NRXN3: variants seen among roughly 807,000 people sequenced by gnomAD.
NRXN3 encodes neurexin 3.
A neutral mutation model predicts 137.6 loss-of-function variants in NRXN3; 32 were observed. That is an observed-to-expected ratio of 0.23 (90% confidence interval 0.18 to 0.31). The LOEUF is 0.31. Ranked by LOEUF, NRXN3 falls within the 10% of genes least tolerant of loss-of-function variation. The pLI is 1.00. For synonymous variants in NRXN3, 798 were observed against 784.5 expected, an observed-to-expected ratio of 1.02 and a Z score of -0.29; for missense variants, 1,574 against 2,062.5, an observed-to-expected ratio of 0.76 and a Z score of 4.59.
intron 4 of NRXN3, among the ~76,000 whole-genome samples, chr14:78,420,855 G>T (rs944975380): frequency 2.0e-5 from 3 of 152,200 alleles, no homozygotes; most frequent in Non-Finnish European, 4.4e-5. Context: ...TTACAAGTGG[G>T]TTTTTGAAAT....
At chr14:79,087,882 T>C (rs2048416860) in intron 15 of NRXN3, among the ~76,000 whole-genome samples, 1 of 152,208 alleles carries the variant, frequency 6.6e-6, no homozygotes, top group Non-Finnish European at 1.5e-5. Flanking sequence ...AAGAAGATGC[T>C]TTCAGTTGCA....
At chr14:78,249,811 G>C (rs868310092) in intron 2 of NRXN3, among the ~76,000 whole-genome samples, 20 of 152,172 alleles carry the variant, frequency 1.3e-4, no homozygotes, top group Middle Eastern at 3.4e-3. Flanking sequence ...AGGAAACCGA[G>C]GAACCGAGAA....
intron 8 of NRXN3, among the ~76,000 whole-genome samples, chr14:78,759,838 G>C (rs1007669311): frequency 1.3e-5 from 2 of 152,158 alleles, no homozygotes; most frequent in African/African-American, 4.8e-5. Flanking sequence ...ATAGTAGCTT[G>C]ATTATTGAGT....
intron 16 of NRXN3, among the ~76,000 whole-genome samples, chr14:79,601,829 C>G (rs1375996547): frequency 6.6e-6 from 1 of 152,200 alleles, no homozygotes; most frequent in Admixed American, 6.5e-5. Flanking sequence ...AAGACTGACA[C>G]TAATTCTTGG....
At chr14:78,272,031 A>G (rs771255466) in intron 2 of NRXN3, among the ~76,000 whole-genome samples, 1 of 152,166 alleles carries the variant, frequency 6.6e-6, no homozygotes, top group Admixed American at 6.5e-5. Context: ...CCTTATGCTC[A>G]TCTTTCCTGG....
intron 1 of NRXN3, among the ~76,000 whole-genome samples, chr14:78,179,842 G>GTTTTTTTTTTT (rs796341902): frequency 9.2e-5 from 10 of 109,158 alleles, no homozygotes; most frequent in African/African-American, 1.7e-4. Context: ...CTGTTTTTTT[G>GTTTTTTTTTTT]TTTTTTTTTT....
chr14:79,309,825 G>A (rs2086880220), intron 15 of NRXN3, among the ~76,000 whole-genome samples: 1 of 139,746 alleles, frequency 7.2e-6, no homozygotes, highest in Middle Eastern at 3.5e-3. Context: ...GTAGATTCTG[G>A]ATATTAGCCC....
intron 6 of NRXN3, among the ~76,000 whole-genome samples, chr14:78,675,106 C>G (rs1232103222): frequency 6.6e-6 from 1 of 152,136 alleles, no homozygotes; most frequent in Admixed American, 6.5e-5. Context: ...ATGTGCCAGA[C>G]CAAGTGCAGT....
chr14:79,738,171 T>C (rs912178914), intron 19 of NRXN3, among the ~76,000 whole-genome samples: 1 of 152,222 alleles, frequency 6.6e-6, no homozygotes, highest in East Asian at 1.9e-4. Flanking sequence ...CTGTATATTT[T>C]ACCTTATTTA....
chr14:78,633,631 A>G (rs1219174004), intron 4 of NRXN3, among the ~76,000 whole-genome samples: 1 of 152,096 alleles, frequency 6.6e-6, no homozygotes, highest in Non-Finnish European at 1.5e-5. Flanking sequence ...CTTTGGGAGG[A>G]AAAGGAAGTG....
intron 15 of NRXN3, among the ~76,000 whole-genome samples, chr14:79,236,104 C>A (rs993599655): frequency 1.3e-5 from 2 of 152,074 alleles, no homozygotes; most frequent in Non-Finnish European, 2.9e-5. Flanking sequence ...GATATTTTCT[C>A]ACAATGCCAT....
intron 4 of NRXN3, among the ~76,000 whole-genome samples, chr14:78,358,973 A>C (rs2084724750): frequency 2.0e-5 from 3 of 152,174 alleles, no homozygotes; most frequent in Admixed American, 1.3e-4. Flanking sequence ...GTATGGTAAT[A>C]CATGTATTTA....
intron 16 of NRXN3, among the ~76,000 whole-genome samples, chr14:79,504,605 T>G (rs2153679311): frequency 7.1e-6 from 1 of 141,796 alleles, no homozygotes; most frequent in East Asian, 2.0e-4. Flanking sequence ...ATAATTTAAC[T>G]TCTTTGTATA....
intron 4 of NRXN3, among the ~76,000 whole-genome samples, chr14:78,473,370 C>G (rs941516449): frequency 1.3e-5 from 2 of 150,136 alleles, no homozygotes; most frequent in African/African-American, 4.9e-5. Flanking sequence ...CCACTGCACT[C>G]CAGCCTGGGC....
intron 4 of NRXN3, among the ~76,000 whole-genome samples, chr14:78,629,383 T>A (rs1292009735): frequency 9.2e-5 from 14 of 152,224 alleles, no homozygotes. Context: ...CATTGAGGAA[T>A]GCTCAAAAGG....
chr14:78,956,730 A>T (rs915087046), intron 10 of NRXN3, among the ~76,000 whole-genome samples: 4 of 152,192 alleles, frequency 2.6e-5, no homozygotes. Context: ...GAATCCTAGT[A>T]GGACCCTGTG....
intron 4 of NRXN3, among the ~76,000 whole-genome samples, chr14:78,479,720 TTATATAA>T (rs1415573204): frequency 6.6e-6 from 1 of 152,196 alleles, no homozygotes; most frequent in Non-Finnish European, 1.5e-5. Context: ...AAATATTATT[TTATATAA>T]GTTGAATGTG....
intron 10 of NRXN3, among the ~76,000 whole-genome samples, chr14:78,834,036 T>C (rs2098989470): frequency 6.6e-6 from 1 of 152,104 alleles, no homozygotes; most frequent in African/African-American, 2.4e-5. Context: ...GTCATGCCAA[T>C]TGAAGGTGGG....
intron 15 of NRXN3, among the ~76,000 whole-genome samples, chr14:79,084,778 T>C (rs928629002): frequency 7.9e-5 from 12 of 152,164 alleles, no homozygotes; most frequent in African/African-American, 2.9e-4. Flanking sequence ...AAGCACATGT[T>C]CGTAGGTGAC....
Sources: gnomAD v4.1 joint callset for allele counts (sites outside exome capture counted in the v4.1 genomes callset) on GRCh38, gnomAD v4.1.1 for gene constraint, MANE v1.5 for transcripts, NCBI Gene and HGNC (gene_info 2026-07-23, HGNC 2026-07-21) for gene names.